The following TNFRSF21 variants were observed in gnomAD, a reference collection of about 807,000 sequenced individuals.
TNFRSF21 encodes tumor necrosis factor receptor superfamily member 21.
TNFRSF21 carries 19 observed loss-of-function variants against 45.6 expected under a neutral mutation model. That is an observed-to-expected ratio of 0.42 (90% CI 0.29 to 0.61). The LOEUF (loss-of-function observed/expected upper bound fraction) is 0.61. Ranked by LOEUF, TNFRSF21 falls within the 20% of genes least tolerant of loss-of-function variation. The pLI is 0.23. For missense variants in TNFRSF21, 737 were observed against 851.5 expected (o/e 0.87, Z 1.67); for synonymous variants, 314 against 335.5 (o/e 0.94, Z 0.70).
At chr6:47,236,830 A>G (rs1764670492) in intron 4 of TNFRSF21, among the ~76,000 whole-genome samples, 1 of 152,214 alleles carries the variant, frequency 6.6e-6, no homozygotes, top group Non-Finnish European at 1.5e-5. Context: ...CCTGGTTCTC[A>G]GGGACAATAC....
intron 1 of TNFRSF21, among the ~76,000 whole-genome samples, chr6:47,301,597 A>C (rs1762865032): frequency 6.6e-6 from 1 of 152,168 alleles, no homozygotes; most frequent in Admixed American, 6.5e-5. Flanking sequence ...ACGGCTTGGC[A>C]TTGTCCCATT....
intron 4 of TNFRSF21, among the ~76,000 whole-genome samples, chr6:47,239,829 T>C (rs1294403130): frequency 6.6e-6 from 1 of 152,150 alleles, no homozygotes; most frequent in Non-Finnish European, 1.5e-5. Flanking sequence ...TTGCTTGTCT[T>C]ACTGTTGCTA....
intron 4 of TNFRSF21, among the ~76,000 whole-genome samples, chr6:47,235,682 T>C (rs1764657405): frequency 1.3e-5 from 2 of 152,132 alleles, no homozygotes; most frequent in Admixed American, 1.3e-4. Context: ...AACAAGGAAG[T>C]CACAGAACTA....
chr6:47,266,304 AC>A lies in TNFRSF21; in HGVS notation c.1244-12784del, dbSNP rs377441388. 1.1e-3 allele frequency among the ~76,000 whole-genome samples: 162 copies of A among 152,312 alleles called. No homozygotes were observed. The South Asian group carries it at 0.017, about 16-fold the overall frequency. On this transcript the variant is annotated intron_variant, in intron 3 of 5. Transcript: ENST00000296861. Reference sequence around the variant, plus strand: ...GAATCACACTTGGGGAAGGAAGGAAACATTTTTTTTCTAAGCCTGTTGTTGG... The same window carrying A: ...GAATCACACTTGGGGAAGGAAGGAAAATTTTTTTTCTAAGCCTGTTGTTGG...
At chr6:47,252,788 A>G (rs1582323118) in intron 4 of TNFRSF21, among the ~76,000 whole-genome samples, 1 of 152,180 alleles carries the variant, frequency 6.6e-6, no homozygotes, top group Non-Finnish European at 1.5e-5. Context: ...TCTGTCATCA[A>G]CTGCCGCTAG....
At position 47,305,452 on chromosome 6, in the gene TNFRSF21, G is replaced by A. The variant is rs182277562; in HGVS notation, c.96+3964C>T. On this transcript the variant is annotated intron_variant, in intron 1 of 5. Coordinates refer to ENST00000296861, the MANE Select transcript of TNFRSF21 (RefSeq NM_014452.5). ...GATTGTAGAGCTAAGATATATAGGA[G>A]AGAGAAAATCTTTTGGATATAATAT... Among the ~76,000 whole-genome samples the A allele has an allele frequency of 1.0e-3, 159 of 152,244 alleles. 1 individual carries two copies. The highest frequency in any genetic ancestry group is 8.0e-3 in the Admixed American group (123 of 15,286).
chr6:47,248,081 T>C (rs1314074752), intron 4 of TNFRSF21, among the ~76,000 whole-genome samples: 1 of 152,210 alleles, frequency 6.6e-6, no homozygotes, highest in African/African-American at 2.4e-5. Flanking sequence ...ATTTATATTA[T>C]TTTAAATTGT....
chr6:47,283,839 G>A, intron 3 of TNFRSF21, 99 bp downstream of exon 3: 1 of 1,477,198 alleles, frequency 6.8e-7, no homozygotes, highest in South Asian at 1.4e-5. Flanking sequence ...CTACAAAGGA[G>A]ATTCCACAAA....
intron 4 of TNFRSF21, among the ~76,000 whole-genome samples, chr6:47,235,884 A>G (rs2281458): frequency 0.39 from 59,352 of 152,088 alleles, 14,592 homozygotes; most frequent in Non-Finnish European, 0.55. Context: ...TAACAAACAC[A>G]CAAGATGGTT....
At chr6:47,300,936 GA>G (rs2113870446) in intron 1 of TNFRSF21, among the ~76,000 whole-genome samples, 1 of 152,262 alleles carries the variant, frequency 6.6e-6, no homozygotes, top group Admixed American at 6.5e-5. Context: ...TAAGATAACA[GA>G]AAATAGCTGC....
At chr6:47,283,332 G>A (rs528831150) in intron 3 of TNFRSF21, among the ~76,000 whole-genome samples, 3 of 152,258 alleles carry the variant, frequency 2.0e-5, no homozygotes, top group Admixed American at 6.5e-5. Context: ...GATGATGACC[G>A]ACATATTATG....
intron 5 of TNFRSF21, among the ~76,000 whole-genome samples, 154 bp downstream of exon 5, chr6:47,234,516 A>T (rs953038217): frequency 1.3e-5 from 2 of 152,228 alleles, no homozygotes; most frequent in African/African-American, 4.8e-5. Context: ...CTCTCGGGCC[A>T]GCGTATCTTG....
At chr6:47,241,451 G>A (rs535358010) in intron 4 of TNFRSF21, among the ~76,000 whole-genome samples, 8 of 151,468 alleles carry the variant, frequency 5.3e-5, no homozygotes, top group Non-Finnish European at 1.0e-4. Context: ...AGAGTAAGGG[G>A]TCTTGGCAAG....
chr6:47,234,581 A>G, intron 5 of TNFRSF21, 89 bp downstream of exon 5: 3 of 1,054,584 alleles, frequency 2.8e-6, no homozygotes, highest in Non-Finnish European at 4.2e-6. Flanking sequence ...ACTCTCAGCT[A>G]CAACTGGACT....
rs554275789 is a variant in TNFRSF21, at chr6:47,232,475, T to C, written c.*290A>G. The C allele has an allele frequency of 1.2e-4, 39 of 319,694 alleles. 1 individual carries two copies. Among genetic ancestry groups the C allele is most frequent in the Admixed American group, 8.7e-4 (19 of 21,872 alleles). The allele number at this position is 319,694 out of a possible 1,614,324, so 19.8% of individuals were successfully genotyped here. A position where few individuals can be genotyped will look rare whatever the true frequency, so the allele number is the denominator to read the frequency against. The stretch of plus-strand genomic sequence containing the variant: ...ACATAAGAAGGCAAAATGGAGAAAA[T>C]ATGGAACTTAAAAAACTTTAGTGGT... On this transcript the variant is annotated 3_prime_UTR_variant, in exon 6 of 6. Transcript: ENST00000296861.
intron 3 of TNFRSF21, among the ~76,000 whole-genome samples, chr6:47,271,132 G>T (rs1357623282): frequency 2.6e-5 from 4 of 152,090 alleles, no homozygotes; most frequent in African/African-American, 9.7e-5. Context: ...ACCTACCAAG[G>T]CAGGCCAACA....
chr6:47,287,890 C>G (rs1282600676), intron 1 of TNFRSF21, among the ~76,000 whole-genome samples: 4 of 152,160 alleles, frequency 2.6e-5, no homozygotes, highest in African/African-American at 9.7e-5. Flanking sequence ...AAAAGACTAT[C>G]TGATAAAATT....
intron 3 of TNFRSF21, among the ~76,000 whole-genome samples, chr6:47,256,837 G>A (rs1315689617): frequency 6.6e-6 from 1 of 152,128 alleles, no homozygotes; most frequent in Non-Finnish European, 1.5e-5. Flanking sequence ...ATTTGACTAA[G>A]GTCCACAGTG....
chr6:47,250,569 T>C (rs967930417), intron 4 of TNFRSF21, among the ~76,000 whole-genome samples: 2 of 152,164 alleles, frequency 1.3e-5, no homozygotes, highest in African/African-American at 4.8e-5. Flanking sequence ...GAACATAACA[T>C]AGGCACTTTC....
Sources: gnomAD v4.1 joint callset for allele counts (sites outside exome capture counted in the v4.1 genomes callset) on GRCh38, gnomAD v4.1.1 for gene constraint, MANE v1.5 for transcripts, NCBI Gene and HGNC (gene_info 2026-07-23, HGNC 2026-07-21) for gene names.